Variants in RIMS2 observed in about 807,000 individuals in gnomAD.
The protein encoded by RIMS2 is regulating synaptic membrane exocytosis 2, also known as regulating synaptic membrane exocytosis protein 2.
RIMS2 carries 59 observed loss-of-function variants against 174.4 expected under a neutral mutation model. The observed-to-expected ratio is 0.34, with a 90% CI of 0.27 to 0.42. The LOEUF (loss-of-function observed/expected upper bound fraction) is 0.42, where lower values mean the gene tolerates loss of function less well. RIMS2 is among the 10% of genes least tolerant of loss of function. The probability of loss-of-function intolerance (pLI) is 1.00; values close to 1 mark genes in which losing one functional copy is unlikely to be tolerated. For missense variants in RIMS2, 1,620 were observed against 1,666.3 expected, an observed-to-expected ratio of 0.97 and a Z score of 0.48; for synonymous variants, 606 against 572.5, an observed-to-expected ratio of 1.06 and a Z score of -0.84.
chr8:103,829,511 C>G (rs776463678), intron 3 of RIMS2, among the ~76,000 whole-genome samples: 1 of 152,238 alleles, frequency 6.6e-6, no homozygotes, highest in East Asian at 1.9e-4. Context: ...ACACATACAT[C>G]ATGAAATATA....
Position 104,194,641 on chromosome 8 carries a change from G to A in RIMS2, c.3335-50275G>A, listed in dbSNP as rs142042306. Among the ~76,000 whole-genome samples, 1,253 of 152,234 alleles carry A rather than the reference G, an allele frequency of 8.2e-3. 12 individuals are homozygous for A. The highest frequency in any genetic ancestry group is 0.013 in the Non-Finnish European group (868 of 68,012). ...ACAAAAAGTGTCTGACCCAGAGTGG[G>A]TGTTCAATAAATACTTGGTGAATCA... On this transcript the variant is annotated intron_variant, in intron 19 of 23. Transcript: ENST00000504942.
intron 19 of RIMS2, among the ~76,000 whole-genome samples, chr8:104,189,088 C>T (rs934576157): frequency 6.6e-6 from 1 of 151,774 alleles, no homozygotes; most frequent in African/African-American, 2.4e-5. Flanking sequence ...TTGTGTATTT[C>T]AAAAGTAAAT....
intron 1 of RIMS2, among the ~76,000 whole-genome samples, chr8:103,600,669 C>G (rs1279043473): frequency 6.6e-6 from 1 of 152,174 alleles, no homozygotes; most frequent in Non-Finnish European, 1.5e-5. Context: ...GAGTGCAGAT[C>G]TCTCTTCAAT....
At chr8:103,715,921 A>G (rs1328681507) in intron 2 of RIMS2, among the ~76,000 whole-genome samples, 2 of 152,106 alleles carry the variant, frequency 1.3e-5, no homozygotes, top group Non-Finnish European at 2.9e-5. Context: ...CTTTGTATAT[A>G]AAACTTTTTT....
intron 19 of RIMS2, among the ~76,000 whole-genome samples, chr8:104,064,475 G>A (rs1319949901): frequency 1.3e-5 from 2 of 151,938 alleles, no homozygotes; most frequent in Non-Finnish European, 2.9e-5. Context: ...TAAGGAAGGG[G>A]ATTATTATAA....
chr8:103,739,440 A>G (rs957770912), intron 2 of RIMS2, among the ~76,000 whole-genome samples: 1 of 152,210 alleles, frequency 6.6e-6, no homozygotes, highest in African/African-American at 2.4e-5. Flanking sequence ...ATGACGAGTT[A>G]ATGGGTGCAG....
At chr8:104,100,522 T>A (rs1029352901) in intron 19 of RIMS2, among the ~76,000 whole-genome samples, 8 of 152,080 alleles carry the variant, frequency 5.3e-5, no homozygotes, top group Non-Finnish European at 7.4e-5. Context: ...AAGAGGCTCA[T>A]GGAAAGTTCT....
intron 1 of RIMS2, among the ~76,000 whole-genome samples, chr8:103,532,403 C>T (rs182175381): frequency 6.6e-6 from 1 of 152,172 alleles, no homozygotes; most frequent in East Asian, 1.9e-4. Flanking sequence ...TAGGAATTGA[C>T]AGGAACATAG....
chr8:103,967,725 A>G (rs1484439178), intron 15 of RIMS2, among the ~76,000 whole-genome samples: 1 of 152,142 alleles, frequency 6.6e-6, no homozygotes, highest in Non-Finnish European at 1.5e-5. Context: ...ATGCATACAC[A>G]TTAAGAATTG....
intron 13 of RIMS2, among the ~76,000 whole-genome samples, chr8:103,940,959 G>C (rs1231598517): frequency 6.6e-6 from 1 of 151,668 alleles, no homozygotes; most frequent in Non-Finnish European, 1.5e-5. Flanking sequence ...AGATTCTGGA[G>C]CTAGCTGCCT....
At chr8:103,512,994 G>T (rs1386371154) in intron 1 of RIMS2, among the ~76,000 whole-genome samples, 1 of 152,042 alleles carries the variant, frequency 6.6e-6, no homozygotes, top group African/African-American at 2.4e-5. Flanking sequence ...TTGAAATTTT[G>T]CATTTTTAAA....
At chr8:103,526,450 T>C (rs79817203) in intron 1 of RIMS2, among the ~76,000 whole-genome samples, 1,571 of 152,326 alleles carry the variant, frequency 0.01, 29 homozygotes, top group African/African-American at 0.036. Flanking sequence ...ATAAGTTATA[T>C]GATGCCATGT....
chr8:104,090,210 A>C (rs1335438379), intron 19 of RIMS2, among the ~76,000 whole-genome samples: 1 of 151,810 alleles, frequency 6.6e-6, no homozygotes, highest in South Asian at 2.1e-4. Flanking sequence ...AAAAGGCATA[A>C]AACTACAGTA....
chr8:103,690,127 A>AT (rs1278579404), intron 1 of RIMS2, among the ~76,000 whole-genome samples: 15 of 151,164 alleles, frequency 9.9e-5, no homozygotes, highest in Non-Finnish European at 1.9e-4. Context: ...TGCCCAGCTA[A>AT]TTTTTTTTGT....
At chr8:103,548,073 A>G (rs910091288) in intron 1 of RIMS2, among the ~76,000 whole-genome samples, 4 of 152,178 alleles carry the variant, frequency 2.6e-5, no homozygotes, top group African/African-American at 9.7e-5. Context: ...GTTGGATTCT[A>G]TCAGATTTAT....
intron 19 of RIMS2, among the ~76,000 whole-genome samples, chr8:104,080,740 AG>A (rs1224220670): frequency 2.6e-5 from 4 of 152,182 alleles, no homozygotes; most frequent in African/African-American, 9.6e-5. Context: ...CACAAAATTC[AG>A]TTGTAATTTT....
chr8:103,940,316 G>T (rs2082237737), intron 13 of RIMS2, among the ~76,000 whole-genome samples: 1 of 152,092 alleles, frequency 6.6e-6, no homozygotes, highest in East Asian at 1.9e-4. Context: ...ACTTGTGCAG[G>T]AGAACTCCTC....
chr8:103,628,917 A>G (rs2095849724), intron 1 of RIMS2, among the ~76,000 whole-genome samples: 3 of 152,194 alleles, frequency 2.0e-5, no homozygotes, highest in African/African-American at 7.2e-5. Flanking sequence ...GGAGCACTGC[A>G]GCTACCCAGA....
chr8:104,003,822 T>C (rs957191370), intron 17 of RIMS2, among the ~76,000 whole-genome samples: 40 of 152,160 alleles, frequency 2.6e-4, no homozygotes, highest in African/African-American at 9.4e-4. Flanking sequence ...AACAAGTTCA[T>C]TCACCTTAGA....
Sources: allele counts gnomAD v4.1 joint callset (sites outside exome capture counted in the v4.1 genomes callset), GRCh38; gene constraint gnomAD v4.1.1; transcripts MANE v1.5; gene names NCBI Gene and HGNC (gene_info 2026-07-23, HGNC 2026-07-21).